ACOX2: variants seen among roughly 807,000 people sequenced by gnomAD.
ACOX2 encodes the protein peroxisomal acyl-coenzyme A oxidase 2.
Under a neutral mutation model 77.5 loss-of-function variants are expected in ACOX2, and 59 were observed. The ratio of observed to expected loss-of-function variants is 0.76; its 90% CI spans 0.62 to 0.95. The LOEUF (loss-of-function observed/expected upper bound fraction) is 0.95, where lower values mean the gene tolerates loss of function less well. ACOX2 is among the 40% of genes least tolerant of loss of function. The pLI is 0.00. For synonymous variants in ACOX2, 317 were observed against 340.1 expected (o/e 0.93, Z 0.75); for missense variants, 837 against 880.4 (o/e 0.95, Z 0.62).
intron 13 of ACOX2, among the ~76,000 whole-genome samples, chr3:58,513,940 A>T (rs1291456337): frequency 1.3e-5 from 2 of 152,108 alleles, no homozygotes; most frequent in African/African-American, 2.4e-5. Context: ...TCATCTTACC[A>T]TCTTCTTGCA....
chr3:58,511,769 C>T (rs1408177565), intron 13 of ACOX2: 1 of 152,286 alleles, frequency 6.6e-6, no homozygotes, highest in African/African-American at 2.4e-5. Context: ...GACTCTATTT[C>T]CTTCTCCATC....
chr3:58,511,043 C>T (rs1431315816), intron 13 of ACOX2: 5 of 456,476 alleles, frequency 1.1e-5, no homozygotes, highest in Admixed American at 9.4e-5. Flanking sequence ...GATGGCTTTA[C>T]ATCGTATTTC....
chr3:58,532,803 A>T (rs1254193362), intron 5 of ACOX2, among the ~76,000 whole-genome samples: 2 of 152,108 alleles, frequency 1.3e-5, no homozygotes, highest in Non-Finnish European at 2.9e-5. Context: ...TTTTTTCCAC[A>T]CAAGGTGTGG....
intron 12 of ACOX2, among the ~76,000 whole-genome samples, chr3:58,518,734 G>A (rs2063339352): frequency 6.6e-6 from 1 of 151,888 alleles, no homozygotes; most frequent in African/African-American, 2.4e-5. Context: ...CTGGGCTCAA[G>A]TGATTCTCCC....
At position 58,520,230 on chromosome 3, in the gene ACOX2, G is replaced by T. The variant is rs191072383; in HGVS notation, c.1632+2266C>A. 6.6e-5 allele frequency among the ~76,000 whole-genome samples: 10 copies of T among 152,316 alleles called. No homozygotes were observed. In the East Asian group the frequency reaches 1.5e-3, roughly 23 times the overall value. ...CTGTTATTAGCTCTATCTTGCAGAC[G>T]AAGAGACTGAGGCTCTGAAAGATTA... On this transcript the variant is annotated intron_variant, in intron 12 of 14. Transcript: ENST00000302819.
rs922009627 is a variant in ACOX2 at position 58,525,326 on chromosome 3, A to G, written c.1347-721T>C. 2.0e-5 allele frequency among the ~76,000 whole-genome samples: 3 copies of G among 152,240 alleles called. No homozygotes were observed. Among genetic ancestry groups the G allele is most frequent in the African/African-American group, 7.2e-5 (3 of 41,466 alleles). ...AAAAATATAATAAATGTTGTTTTTC[A>G]TATTTGCCAGTGAACTTCTTTCTCC... On this transcript the variant is annotated intron_variant, in intron 10 of 14. Coordinates refer to ENST00000302819, the MANE Select transcript of ACOX2 (RefSeq NM_003500.4). This position sits in a 1 kb window ranked among gnomAD's most constrained non-coding sequence, Gnocchi z 5.0.
chr3:58,514,494 G>A lies in ACOX2; in HGVS notation c.1850+2712C>T, dbSNP rs532862050. ...CTTGGCATCCATAGCATACTATGCC[G>A]CCCTTCAGTTTTCATCTCAGAAATC... On this transcript the variant is annotated intron_variant, in intron 13 of 14. Coordinates refer to ENST00000302819, the MANE Select transcript of ACOX2 (RefSeq NM_003500.4). The surrounding 1 kb of genome is among the most constrained non-coding windows in gnomAD (Gnocchi z 4.3). Among the ~76,000 whole-genome samples, 16 of 152,254 alleles carry A rather than the reference G, an allele frequency of 1.1e-4. No homozygotes were observed. The highest frequency in any genetic ancestry group is 2.6e-4 in the Admixed American group (4 of 15,296).
chr3:58,517,801 G>A (rs990662966), intron 12 of ACOX2, among the ~76,000 whole-genome samples: 4 of 152,042 alleles, frequency 2.6e-5, no homozygotes, highest in African/African-American at 4.8e-5. Flanking sequence ...AAGGCTGGGC[G>A]CGGTGGCTCA....
rs1403294996 is a variant in ACOX2, at chr3:58,505,180, A to G, written c.*44T>C. On this transcript the variant is annotated 3_prime_UTR_variant, in exon 15 of 15. Coordinates refer to ENST00000302819, the MANE Select transcript of ACOX2 (RefSeq NM_003500.4). The surrounding 1 kb of genome is among the most constrained non-coding windows in gnomAD (Gnocchi z 4.4). ...GTTGCATATATGCCATAGTACCATT[A>G]TCACATGATGGTGCTGGTTGCTTCT... 2 of 1,526,746 alleles carry G rather than the reference A, an allele frequency of 1.3e-6. No homozygotes were observed. The highest frequency in any genetic ancestry group is 1.4e-5 in the African/African-American group (1 of 72,566). The allele number at this position is 1,526,746 out of a possible 1,614,324, so 94.6% of individuals were successfully genotyped here.
intron 13 of ACOX2, among the ~76,000 whole-genome samples, chr3:58,513,339 C>T (rs572607902): frequency 2.6e-5 from 4 of 152,076 alleles, no homozygotes; most frequent in South Asian, 2.1e-4. Context: ...ATTAATGATT[C>T]GCTTCCTTCT....
Position 58,534,273 on chromosome 3 carries a change from T to A in ACOX2, c.323+87A>T. ...GGTTTCCCAACAAGTCTTCCCTTTG[T>A]TGGGGGAAATGGCTCATGGGGCTAG... On this transcript the variant is annotated intron_variant, in intron 3 of 14. Transcript: ENST00000302819. This position sits in a 1 kb window ranked among gnomAD's most constrained non-coding sequence, Gnocchi z 4.8. 1 of 1,580,930 alleles carries A rather than the reference T, an allele frequency of 6.3e-7. No individual in the cohort carries two copies. Among genetic ancestry groups the A allele is most frequent in the Non-Finnish European group, 8.6e-7 (1 of 1,165,026 alleles).
In ACOX2 at chr3:58,522,614, GC is replaced by G; in HGVS notation, c.1527-14del. 1 of 1,612,226 alleles carries G rather than the reference GC, an allele frequency of 6.2e-7. No individual in the cohort carries two copies. The highest frequency in any genetic ancestry group is 1.1e-5 in the South Asian group (1 of 90,934). On this transcript the variant is annotated splice_polypyrimidine_tract_variant and intron_variant, in intron 11 of 14. Coordinates refer to ENST00000302819, the MANE Select transcript of ACOX2 (RefSeq NM_003500.4). This position sits in a 1 kb window ranked among gnomAD's most constrained non-coding sequence, Gnocchi z 4.3. ...GTCCTTTATGAGCCTGAAAGCCAAAGCAAAAAAGGTTCAGCTTCCTGACTGA... is the reference window on the plus strand; with the variant it reads ...GTCCTTTATGAGCCTGAAAGCCAAAGAAAAAAGGTTCAGCTTCCTGACTGA...
rs1327794704 is a variant in ACOX2 at position 58,524,595 on chromosome 3, T to C, written c.1357A>G (p.Lys453Glu). The change falls in exon 11 of 15, where the codon AAG becomes GAG. Residue 453 changes from lysine (K) to glutamate (E), a missense_variant. Coordinates refer to ENST00000302819, the MANE Select transcript of ACOX2 (RefSeq NM_003500.4). This position sits in a 1 kb window ranked among gnomAD's most constrained non-coding sequence, Gnocchi z 5.5. ...GACATCTGAGTCTGCAGGTAGCTCTTCACCAGGAACCTGGGGGTTGGAAGA... is the reference window on the plus strand; with the variant it reads ...GACATCTGAGTCTGCAGGTAGCTCTCCACCAGGAACCTGGGGGTTGGAAGA... ...LYLQVARFLV[K>E]SYLQTQMSPG... 1.2e-6 allele frequency: 2 copies of C among 1,613,840 alleles called. No homozygotes were observed. The highest frequency in any genetic ancestry group is 1.7e-6 in the Non-Finnish European group (2 of 1,180,012).
chr3:58,510,722 A>G (rs2063280540), intron 13 of ACOX2, among the ~76,000 whole-genome samples: 1 of 56,418 alleles, frequency 1.8e-5, no homozygotes. Flanking sequence ...ACACACACAC[A>G]CACACACACA....
rs1440000170 is a variant in ACOX2, at chr3:58,525,661, C to T, written c.1346+805G>A. Among the ~76,000 whole-genome samples, 1 of 152,132 alleles carries T rather than the reference C, an allele frequency of 6.6e-6. No homozygotes were observed. Among genetic ancestry groups the T allele is most frequent in the Non-Finnish European group, 1.5e-5 (1 of 68,020 alleles). On this transcript the variant is annotated intron_variant, in intron 10 of 14. Coordinates refer to ENST00000302819, the MANE Select transcript of ACOX2 (RefSeq NM_003500.4). This position sits in a 1 kb window ranked among gnomAD's most constrained non-coding sequence, Gnocchi z 5.0. ...TGAAACTGCTCCAAAGGAAACAAGG[C>T]CATGTTGGGTGGGAGGGGATCAAAT...
chr3:58,518,096 A>G (rs546470947), intron 12 of ACOX2, among the ~76,000 whole-genome samples: 45 of 151,252 alleles, frequency 3.0e-4, no homozygotes, highest in East Asian at 5.8e-4. Flanking sequence ...AAAAAAAAAA[A>G]AAAAGAAAAG....
At chr3:58,509,693 C>T (rs961558064) in intron 13 of ACOX2, among the ~76,000 whole-genome samples, 2 of 143,026 alleles carry the variant, frequency 1.4e-5, no homozygotes, top group Admixed American at 7.1e-5. Flanking sequence ...GCAACCTCTA[C>T]CTCCCGGGCT....
intron 13 of ACOX2, among the ~76,000 whole-genome samples, chr3:58,510,748 A>C (rs1165679315): frequency 8.4e-6 from 1 of 118,662 alleles, no homozygotes; most frequent in African/African-American, 3.3e-5. Context: ...ACACTCAACG[A>C]TTTTTCTTGC....
chr3:58,530,355 C>A (rs1223886995), intron 8 of ACOX2, 111 bp downstream of exon 8: 3 of 1,426,134 alleles, frequency 2.1e-6, no homozygotes, highest in Non-Finnish European at 2.9e-6. Context: ...TGGTGGGGGG[C>A]ATTGCCTGCT....
Sources: gnomAD v4.1 joint callset for allele counts (sites outside exome capture counted in the v4.1 genomes callset) on GRCh38, gnomAD v4.1.1 for gene constraint, Gnocchi (gnomAD v3.1) non-coding constraint, MANE v1.5 for transcripts, NCBI Gene and HGNC (gene_info 2026-07-23, HGNC 2026-07-21) for gene names.